SNX29: variants seen among roughly 807,000 people sequenced by gnomAD.
The protein encoded by SNX29 is sorting nexin-29.
Under a neutral mutation model 102.1 loss-of-function variants are expected in SNX29, and 78 were observed. The observed-to-expected ratio is 0.76, with a 90% CI of 0.64 to 0.92. The LOEUF is 0.92. Among genes scored for constraint, SNX29 ranks in the 40% least tolerant of loss-of-function variants. SNX29 has a pLI of 0.00. For synonymous variants in SNX29, 580 were observed against 414.5 expected (o/e 1.40, Z -4.85); for missense variants, 1,280 against 1,061.7 (o/e 1.21, Z -2.86).
intron 20 of SNX29, among the ~76,000 whole-genome samples, chr16:12,525,384 C>T (rs1380572780): frequency 6.6e-6 from 1 of 151,630 alleles, no homozygotes; most frequent in African/African-American, 2.4e-5. Flanking sequence ...AAAATCATTA[C>T]ACTTCAGGCT....
intron 19 of SNX29, among the ~76,000 whole-genome samples, chr16:12,501,934 A>T (rs2089144755): frequency 6.6e-6 from 1 of 152,140 alleles, no homozygotes; most frequent in Admixed American, 6.5e-5. Context: ...CAACAGGCAG[A>T]GTGGATACCA....
intron 1 of SNX29, among the ~76,000 whole-genome samples, chr16:11,995,034 C>G (rs1428157995): frequency 6.6e-6 from 1 of 152,120 alleles, no homozygotes; most frequent in Non-Finnish European, 1.5e-5. Flanking sequence ...CTGAGACCAC[C>G]TGTGCTCCTT....
Position 12,553,807 on chromosome 16 carries a change from C to T in SNX29, c.2319-14699C>T, listed in dbSNP as rs527775366. ...TTCACCATGTTGGTCAGGCTAGTCT[C>T]GAACTCCTGACCTTGTGATCCACCC... On this transcript the variant is annotated intron_variant, in intron 20 of 20. Transcript: ENST00000566228. 9.9e-5 allele frequency among the ~76,000 whole-genome samples: 15 copies of T among 152,048 alleles called. No homozygotes were observed. The South Asian group carries it at 2.1e-3, about 21-fold the overall frequency.
At chr16:12,213,428 A>G (rs1290676105) in intron 14 of SNX29, among the ~76,000 whole-genome samples, 2 of 152,240 alleles carry the variant, frequency 1.3e-5, no homozygotes, top group African/African-American at 4.8e-5. Context: ...GCCGCTACAC[A>G]GTTCATTCAA....
At chr16:12,148,601 G>A (rs1432114133) in intron 13 of SNX29, among the ~76,000 whole-genome samples, 1 of 152,034 alleles carries the variant, frequency 6.6e-6, no homozygotes, top group Non-Finnish European at 1.5e-5. Flanking sequence ...AGCATTTCTT[G>A]TTTTCTAATA....
chr16:12,554,387 G>T (rs201323044), intron 20 of SNX29, among the ~76,000 whole-genome samples: 4 of 32,508 alleles, frequency 1.2e-4, no homozygotes, highest in South Asian at 2.2e-3. Flanking sequence ...TCTGTGCCCC[G>T]TGCATGGGTG....
At chr16:12,009,125 A>T (rs961537133) in intron 3 of SNX29, among the ~76,000 whole-genome samples, 2 of 152,184 alleles carry the variant, frequency 1.3e-5, no homozygotes, top group East Asian at 3.8e-4. Flanking sequence ...TCCATTTTTT[A>T]AATTTTAAAA....
chr16:12,028,933 G>A (rs1272041259), intron 4 of SNX29, among the ~76,000 whole-genome samples: 1 of 151,922 alleles, frequency 6.6e-6, no homozygotes, highest in African/African-American at 2.4e-5. Context: ...ATTTTTAGTA[G>A]AGACAGGTTT....
chr16:12,569,285 A>AC lies in SNX29; in HGVS notation c.*658dup, dbSNP rs1217432408. The AC allele has an allele frequency of 8.8e-6, 2 of 228,164 alleles. No individual in the cohort carries two copies. Among genetic ancestry groups the AC allele is most frequent in the African/African-American group, 4.5e-5 (2 of 44,770 alleles). The allele number at this position is 228,164 out of a possible 1,614,324, so 14.1% of individuals were successfully genotyped here. On this transcript the variant is annotated 3_prime_UTR_variant, in exon 21 of 21. Transcript: ENST00000566228. ...AACTTGAGTTCAGAGAACTTCCCCT[A>AC]CCTCCCCCATGGCTGGCTTCAGGAA...
At chr16:12,065,223 A>C (rs1014528097) in intron 9 of SNX29, among the ~76,000 whole-genome samples, 11 of 152,204 alleles carry the variant, frequency 7.2e-5, no homozygotes, top group African/African-American at 2.7e-4. Context: ...GAGACCCCAG[A>C]CAAGCAAATG....
At chr16:12,499,420 C>T (rs1484669792) in intron 19 of SNX29, among the ~76,000 whole-genome samples, 2 of 152,216 alleles carry the variant, frequency 1.3e-5, no homozygotes, top group East Asian at 1.9e-4. Flanking sequence ...ATAGCTGCAT[C>T]TTTTCCAGAT....
chr16:12,504,790 A>G (rs1004521041), intron 19 of SNX29, among the ~76,000 whole-genome samples: 3 of 152,248 alleles, frequency 2.0e-5, no homozygotes, highest in African/African-American at 7.2e-5. Context: ...GATAGTATAT[A>G]TAAGGTTTGG....
chr16:12,314,352 A>G (rs1372540034), intron 15 of SNX29, among the ~76,000 whole-genome samples: 3 of 152,268 alleles, frequency 2.0e-5, no homozygotes, highest in African/African-American at 7.2e-5. Flanking sequence ...TAACATATGC[A>G]CATAGTTTAT....
chr16:12,007,517 AAAG>A (rs1240162484), intron 3 of SNX29, among the ~76,000 whole-genome samples: 1 of 152,194 alleles, frequency 6.6e-6, no homozygotes, highest in Non-Finnish European at 1.5e-5. Context: ...AAATAATTAA[AAAG>A]AAGAAGAAAG....
chr16:12,357,192 T>A (rs933421775), intron 16 of SNX29, among the ~76,000 whole-genome samples: 3 of 152,230 alleles, frequency 2.0e-5, no homozygotes, highest in African/African-American at 7.2e-5. Flanking sequence ...TAATGCACGC[T>A]CATATATCCT....
intron 20 of SNX29, among the ~76,000 whole-genome samples, chr16:12,555,704 A>T (rs1359959539): frequency 6.6e-6 from 1 of 151,862 alleles, no homozygotes; most frequent in African/African-American, 2.4e-5. Context: ...ACTCTACGAG[A>T]TTCTCCCTGA....
intron 13 of SNX29, among the ~76,000 whole-genome samples, chr16:12,158,264 A>G (rs1184486905): frequency 6.6e-6 from 1 of 151,922 alleles, no homozygotes; most frequent in Non-Finnish European, 1.5e-5. Context: ...CAGTGGCGCA[A>G]TCTCGGCTTA....
At chr16:12,361,759 G>C (rs2082305778) in intron 16 of SNX29, among the ~76,000 whole-genome samples, 1 of 151,934 alleles carries the variant, frequency 6.6e-6, no homozygotes, top group Non-Finnish European at 1.5e-5. Context: ...TAACAGTTGG[G>C]AAGTATCAAA....
chr16:12,172,345 C>A (rs1304739317), intron 13 of SNX29, among the ~76,000 whole-genome samples: 1 of 152,146 alleles, frequency 6.6e-6, no homozygotes, highest in South Asian at 2.1e-4. Flanking sequence ...GGTGTCAGTG[C>A]AGGGCTGAGA....
Sources: gnomAD v4.1 joint callset for allele counts (sites outside exome capture counted in the v4.1 genomes callset) on GRCh38, gnomAD v4.1.1 for gene constraint, MANE v1.5 for transcripts, NCBI Gene and HGNC (gene_info 2026-07-23, HGNC 2026-07-21) for gene names.